DPYD: variants seen among roughly 807,000 people sequenced by gnomAD.
The protein encoded by DPYD is dihydropyrimidine dehydrogenase, also known as dihydropyrimidine dehydrogenase [NADP(+)].
In DPYD, 109 loss-of-function variants were observed where a neutral mutation model predicts 116.2. The observed-to-expected ratio is 0.94, with a 90% confidence interval of 0.80 to 1.10. The LOEUF is 1.10. Among genes scored for constraint, DPYD ranks in the 50% least tolerant of loss-of-function variants. DPYD has a pLI of 0.00. For missense variants in DPYD, 1,302 were observed against 1,254.5 expected (o/e 1.04, Z -0.57); for synonymous variants, 440 against 432.0 (o/e 1.02, Z -0.23).
In DPYD at chr1:97,271,637, T is replaced by C. The variant is rs192496924; in HGVS notation, c.2299+33622A>G. On this transcript the variant is annotated intron_variant, in intron 18 of 22. Transcript: ENST00000370192. ...ATATTTTGAAAACCCCATAAAAGCA[T>C]GTTTTGCTAATGCAGATTAAAAGAA... Among the ~76,000 whole-genome samples, 30 of 152,336 alleles carry C rather than the reference T, an allele frequency of 2.0e-4. No individual in the cohort carries two copies. The East Asian group carries it at 2.7e-3, about 14-fold the overall frequency.
chr1:97,656,966 A>ATT (rs71590230), intron 8 of DPYD, among the ~76,000 whole-genome samples: 1,425 of 116,488 alleles, frequency 0.012, 16 homozygotes, highest in Non-Finnish European at 0.017. Context: ...GCATGATTGT[A>ATT]TTTTTTTTTT....
intron 10 of DPYD, among the ~76,000 whole-genome samples, chr1:97,574,517 A>G (rs1043717101): frequency 6.6e-6 from 1 of 152,138 alleles, no homozygotes; most frequent in African/African-American, 2.4e-5. Flanking sequence ...AAAACCACAG[A>G]AGCAAATACT....
At chr1:97,781,586 A>G (rs148648158) in intron 3 of DPYD, among the ~76,000 whole-genome samples, 2 of 152,318 alleles carry the variant, frequency 1.3e-5, no homozygotes, top group East Asian at 3.9e-4. Flanking sequence ...GATTTATATC[A>G]ACCTGAATCA....
chr1:97,756,680 G>T (rs1221956733), intron 3 of DPYD, among the ~76,000 whole-genome samples: 1 of 151,934 alleles, frequency 6.6e-6, no homozygotes, highest in African/African-American at 2.4e-5. Context: ...TTGCAAGCTA[G>T]GAAGATATTA....
At chr1:97,179,655 T>C (rs1238715114) in intron 20 of DPYD, among the ~76,000 whole-genome samples, 1 of 152,060 alleles carries the variant, frequency 6.6e-6, no homozygotes, top group Non-Finnish European at 1.5e-5. Context: ...AGGCACTTCA[T>C]AAACAGTGCC....
At chr1:97,412,173 T>C (rs1478500096) in intron 14 of DPYD, among the ~76,000 whole-genome samples, 1 of 152,216 alleles carries the variant, frequency 6.6e-6, no homozygotes, top group East Asian at 1.9e-4. Context: ...CACATTTAAC[T>C]ATAATCAATG....
intron 20 of DPYD, among the ~76,000 whole-genome samples, chr1:97,134,672 G>A (rs567380902): frequency 1.7e-4 from 26 of 152,270 alleles, no homozygotes; most frequent in Admixed American, 1.2e-3. Flanking sequence ...CTATTTGAAT[G>A]TTCTATTTTG....
Position 97,904,469 on chromosome 1 carries a change from T to C in DPYD, c.39+16415A>G, listed in dbSNP as rs531027159. 6.6e-5 allele frequency among the ~76,000 whole-genome samples: 10 copies of C among 151,988 alleles called. No individual in the cohort carries two copies. In the South Asian group the frequency reaches 2.1e-3, roughly 31 times the overall value. On this transcript the variant is annotated intron_variant, in intron 1 of 22. Coordinates refer to ENST00000370192, the MANE Select transcript of DPYD (RefSeq NM_000110.4). ...CCTCCCTTTATTTGCCTAAAAGCAG[T>C]AGATAGATTTACAAAGAAAATGGTA... is the stretch of plus-strand genomic sequence containing the variant.
intron 15 of DPYD, among the ~76,000 whole-genome samples, chr1:97,376,279 T>A (rs1312357368): frequency 6.6e-6 from 1 of 152,210 alleles, no homozygotes; most frequent in Non-Finnish European, 1.5e-5. Flanking sequence ...TGGCTGGAGT[T>A]GTCATAGTGT....
rs201004009 is a variant in DPYD at position 97,384,365 on chromosome 1, GT to G, written c.1906-1905del. ...CCAGGGAAAGAAGCATGTCTTTAAA[GT>G]TTTTTTTTTCTTTTTCTTTCTGGAT... On this transcript the variant is annotated intron_variant, in intron 14 of 22. Transcript: ENST00000370192. Among the ~76,000 whole-genome samples, 32 of 149,580 alleles carry G rather than the reference GT, an allele frequency of 2.1e-4. No homozygotes were observed. The East Asian group carries it at 3.1e-3, about 15-fold the overall frequency.
chr1:97,770,604 T>C (rs1666088012), intron 3 of DPYD, among the ~76,000 whole-genome samples: 1 of 152,194 alleles, frequency 6.6e-6, no homozygotes, highest in South Asian at 2.1e-4. Context: ...TTTGAGTAGC[T>C]AGAAAACATA....
At chr1:97,754,245 G>T (rs528253914) in intron 3 of DPYD, among the ~76,000 whole-genome samples, 139 of 152,246 alleles carry the variant, frequency 9.1e-4, no homozygotes, top group Middle Eastern at 3.4e-3. Flanking sequence ...TTCATTAAGA[G>T]AAGATTTTTT....
chr1:97,918,816 C>T (rs1674357425), intron 1 of DPYD, among the ~76,000 whole-genome samples: 1 of 152,166 alleles, frequency 6.6e-6, no homozygotes, highest in Non-Finnish European at 1.5e-5. Flanking sequence ...GTGTTCTTAT[C>T]ACATTCATTA....
At chr1:97,630,152 G>A (rs1019771196) in intron 8 of DPYD, among the ~76,000 whole-genome samples, 1 of 150,898 alleles carries the variant, frequency 6.6e-6, no homozygotes, top group Non-Finnish European at 1.5e-5. Flanking sequence ...TGGCTATTAC[G>A]GATAAAGCCA....
chr1:97,860,225 C>T (rs547485641), intron 2 of DPYD, among the ~76,000 whole-genome samples: 10 of 152,146 alleles, frequency 6.6e-5, no homozygotes, highest in Admixed American at 4.6e-4. Flanking sequence ...CTCCTATAGT[C>T]CCAGCTACCC....
chr1:97,510,408 A>C (rs1183979742), intron 13 of DPYD, among the ~76,000 whole-genome samples: 13 of 151,996 alleles, frequency 8.6e-5, no homozygotes, highest in Non-Finnish European at 1.5e-5. Context: ...GGGTATATGG[A>C]AGATAGAAAA....
rs189305072 is a variant in DPYD at position 97,447,206 on chromosome 1, T to C, written c.1905+2853A>G. On this transcript the variant is annotated intron_variant, in intron 14 of 22. Transcript: ENST00000370192. ...ATTCTTTTTATCAGAAAAGTTAGCT[T>C]TTGCTTAGAAGCTGCCACAGTGGGT... 2.2e-3 allele frequency among the ~76,000 whole-genome samples: 337 copies of C among 152,314 alleles called. 16 individuals carry two copies. In the South Asian group the frequency reaches 0.063, roughly 28 times the overall value.
At chr1:97,323,180 TATC>T (rs1363987321) in intron 16 of DPYD, among the ~76,000 whole-genome samples, 3 of 149,326 alleles carry the variant, frequency 2.0e-5, no homozygotes, top group South Asian at 2.1e-4. Flanking sequence ...TATATATACA[TATC>T]ATATATACAC....
intron 12 of DPYD, among the ~76,000 whole-genome samples, chr1:97,523,447 T>C (rs1648833565): frequency 6.6e-6 from 1 of 152,130 alleles, no homozygotes; most frequent in African/African-American, 2.4e-5. Flanking sequence ...GCCCCAAATA[T>C]ATATGCATTA....
Sources: gnomAD v4.1 joint callset for allele counts (sites outside exome capture counted in the v4.1 genomes callset) on GRCh38, gnomAD v4.1.1 for gene constraint, MANE v1.5 for transcripts, NCBI Gene and HGNC (gene_info 2026-07-23, HGNC 2026-07-21) for gene names.